The following WDR72 variants were observed in gnomAD, a reference collection of about 807,000 sequenced individuals.
WDR72 encodes WD repeat domain 72, also known as WD repeat-containing protein 72.
WDR72 carries 120 observed loss-of-function variants against 124.2 expected under a neutral mutation model. The observed-to-expected ratio is 0.97, with a 90% CI of 0.83 to 1.12. The LOEUF (loss-of-function observed/expected upper bound fraction) is 1.12, where lower values mean the gene tolerates loss of function less well. Among genes scored for constraint, WDR72 ranks in the 50% most tolerant of loss-of-function variants. The pLI, the probability that WDR72 is intolerant of heterozygous loss-of-function variation, is 0.00. For missense variants in WDR72, 1,387 were observed against 1,278.8 expected, an observed-to-expected ratio of 1.08 and a Z score of -1.29; for synonymous variants, 452 against 441.7, an observed-to-expected ratio of 1.02 and a Z score of -0.29.
At chr15:53,570,821 G>A (rs1414552909) in intron 18 of WDR72, among the ~76,000 whole-genome samples, 1 of 152,096 alleles carries the variant, frequency 6.6e-6, no homozygotes, top group Non-Finnish European at 1.5e-5. Context: ...AAAGACATGG[G>A]ATGATCCCAG....
chr15:53,521,882 T>A (rs1891819109), intron 19 of WDR72, among the ~76,000 whole-genome samples: 1 of 152,066 alleles, frequency 6.6e-6, no homozygotes, highest in South Asian at 2.1e-4. Flanking sequence ...TATAGAAATT[T>A]AACACTACCA....
chr15:53,669,337 T>A lies in WDR72; in HGVS notation c.1766-3569A>T, dbSNP rs551036846. 6.6e-4 allele frequency among the ~76,000 whole-genome samples: 101 copies of A among 152,190 alleles called. 2 individuals carry two copies. The South Asian group carries it at 0.021, about 31-fold the overall frequency. Reference sequence around the variant, plus strand: ...AGCAGCTTCTTTGCCATTCAGTACATATAACCATACCCTCTCTAGCAAGGT... The same window carrying A: ...AGCAGCTTCTTTGCCATTCAGTACAAATAACCATACCCTCTCTAGCAAGGT... On this transcript the variant is annotated intron_variant, in intron 13 of 19. Coordinates refer to ENST00000360509, the MANE Select transcript of WDR72 (RefSeq NM_182758.4).
At chr15:53,741,260 T>C (rs554583670) in intron 1 of WDR72, among the ~76,000 whole-genome samples, 191 of 152,324 alleles carry the variant, frequency 1.3e-3, no homozygotes, top group African/African-American at 4.5e-3. Flanking sequence ...GAGGTGAAAG[T>C]AAATCAAAGC....
At chr15:53,530,037 A>T (rs1892364458) in intron 18 of WDR72, among the ~76,000 whole-genome samples, 1 of 151,554 alleles carries the variant, frequency 6.6e-6, no homozygotes, top group Non-Finnish European at 1.5e-5. Context: ...TCCTTTGGAA[A>T]ACCATTTTTT....
intron 1 of WDR72, among the ~76,000 whole-genome samples, chr15:53,737,619 CTAGA>C (rs1287163488): frequency 6.6e-6 from 1 of 152,054 alleles, no homozygotes; most frequent in Non-Finnish European, 1.5e-5. Flanking sequence ...ATAATAGTCT[CTAGA>C]TACTCAACAG....
At chr15:53,751,853 T>C (rs947465536) in intron 1 of WDR72, among the ~76,000 whole-genome samples, 8 of 152,194 alleles carry the variant, frequency 5.3e-5, no homozygotes, top group Non-Finnish European at 1.0e-4. Flanking sequence ...AAGGTTATTT[T>C]ACAACTCTGT....
At chr15:53,683,495 A>G (rs1182636154) in intron 13 of WDR72, among the ~76,000 whole-genome samples, 1 of 152,114 alleles carries the variant, frequency 6.6e-6, no homozygotes, top group East Asian at 1.9e-4. Flanking sequence ...ATTTTTTAAA[A>G]TAAGGATAGT....
At chr15:53,521,678 T>C (rs1444613118) in intron 19 of WDR72, among the ~76,000 whole-genome samples, 1 of 152,090 alleles carries the variant, frequency 6.6e-6, no homozygotes, top group East Asian at 1.9e-4. Flanking sequence ...GATGGAAATT[T>C]ATTCTACTTT....
At chr15:53,637,693 T>C (rs2014676271) in intron 14 of WDR72, among the ~76,000 whole-genome samples, 1 of 152,120 alleles carries the variant, frequency 6.6e-6, no homozygotes, top group Admixed American at 6.5e-5. Context: ...TGGCAATCCT[T>C]CCCCTCTTCT....
At chr15:53,724,772 T>C (rs28626002) in intron 2 of WDR72, among the ~76,000 whole-genome samples, 9,185 of 152,150 alleles carry the variant, frequency 0.06, 938 homozygotes, top group African/African-American at 0.21. Flanking sequence ...TATTCATATA[T>C]CAAATCATCA....
chr15:53,639,603 A>C (rs1324846078), intron 14 of WDR72, among the ~76,000 whole-genome samples: 1 of 119,842 alleles, frequency 8.3e-6, no homozygotes, highest in African/African-American at 2.8e-5. Flanking sequence ...TAAAATAAAA[A>C]AATTCTTTTC....
intron 14 of WDR72, among the ~76,000 whole-genome samples, chr15:53,622,271 C>T (rs2014025746): frequency 6.6e-6 from 1 of 152,102 alleles, no homozygotes; most frequent in South Asian, 2.1e-4. Context: ...AATCCCATTA[C>T]TGGGTATATA....
At chr15:53,606,694 T>C (rs536150147) in intron 17 of WDR72, among the ~76,000 whole-genome samples, 36 of 152,292 alleles carry the variant, frequency 2.4e-4, no homozygotes, top group African/African-American at 8.2e-4. Flanking sequence ...AGGAGATCGA[T>C]TTTTTAAGCA....
At chr15:53,683,457 T>G (rs992397287) in intron 13 of WDR72, among the ~76,000 whole-genome samples, 6 of 152,138 alleles carry the variant, frequency 3.9e-5, no homozygotes, top group African/African-American at 1.4e-4. Flanking sequence ...ACCCCAGGAA[T>G]ATGTAAAATC....
chr15:53,650,657 A>C (rs2015202440), intron 14 of WDR72, among the ~76,000 whole-genome samples: 1 of 152,136 alleles, frequency 6.6e-6, no homozygotes, highest in Non-Finnish European at 1.5e-5. Flanking sequence ...TTTAGTCCTA[A>C]TATGACTTCC....
chr15:53,525,095 A>G (rs986837482), intron 18 of WDR72, among the ~76,000 whole-genome samples: 5 of 152,030 alleles, frequency 3.3e-5, no homozygotes, highest in African/African-American at 9.7e-5. Flanking sequence ...CTAAGTAGTT[A>G]TTGATGCAGC....
chr15:53,674,498 G>A (rs1281394852), intron 13 of WDR72, among the ~76,000 whole-genome samples: 1 of 152,148 alleles, frequency 6.6e-6, no homozygotes, highest in Non-Finnish European at 1.5e-5. Flanking sequence ...AACTGATGGG[G>A]GTTCCCACCA....
chr15:53,680,588 C>G (rs1410123595), intron 13 of WDR72, among the ~76,000 whole-genome samples: 1 of 152,112 alleles, frequency 6.6e-6, no homozygotes, highest in Admixed American at 6.5e-5. Context: ...GGGTTAAAGC[C>G]AATTGTTTTT....
intron 1 of WDR72, among the ~76,000 whole-genome samples, chr15:53,757,693 T>C (rs924615336): frequency 1.3e-5 from 2 of 152,170 alleles, no homozygotes; most frequent in Non-Finnish European, 2.9e-5. Context: ...TCCTCTATTG[T>C]GAGCAACATT....
Sources: allele counts gnomAD v4.1 joint callset (sites outside exome capture counted in the v4.1 genomes callset), GRCh38; gene constraint gnomAD v4.1.1; transcripts MANE v1.5; gene names NCBI Gene and HGNC (gene_info 2026-07-23, HGNC 2026-07-21).